FBXL18: variants seen among roughly 807,000 people sequenced by gnomAD.
FBXL18 encodes F-box and leucine rich repeat protein 18, also known as F-box/LRR-repeat protein 18.
FBXL18 carries 36 observed loss-of-function variants against 46.0 expected under a neutral mutation model. That is an observed-to-expected ratio of 0.78 (90% confidence interval 0.60 to 1.03). The LOEUF is 1.03. Ranked by LOEUF, FBXL18 falls within the 50% of genes least tolerant of loss-of-function variation. The pLI is 0.00. For missense variants in FBXL18, 977 were observed against 1,004.1 expected, an observed-to-expected ratio of 0.97 and a Z score of 0.36; for synonymous variants, 557 against 465.3, an observed-to-expected ratio of 1.20 and a Z score of -2.54.
chr7:5,508,120 G>A (rs1784438313), intron 1 of FBXL18, among the ~76,000 whole-genome samples: 1 of 151,984 alleles, frequency 6.6e-6, no homozygotes, highest in African/African-American at 2.4e-5. Context: ...ACAAAAACTA[G>A]CCAGGCGTGG....
chr7:5,458,862 G>A (rs540592291), intron 4 of FBXL18, among the ~76,000 whole-genome samples: 1 of 152,140 alleles, frequency 6.6e-6, no homozygotes, highest in South Asian at 2.1e-4. Context: ...GAAAGCAAGT[G>A]TGGGCTGGAT....
At position 5,496,053 on chromosome 7, in the gene FBXL18, G is replaced by A. The variant is rs984520266; in HGVS notation, c.1781+4435C>T. 8.2e-6 allele frequency: 3 copies of A among 364,190 alleles called. No individual in the cohort carries two copies. Among genetic ancestry groups the A allele is most frequent in the Non-Finnish European group, 1.7e-5 (3 of 176,924 alleles). 22.6% of individuals were successfully genotyped at this position (364,190 alleles called of 1,614,324 possible). ...GCTCCTGAGGAAGGCCCTTGGCCAC[G>A]GGGATTCCGTCCCAGACTCCGGAGG... On this transcript the variant is annotated intron_variant, in intron 3 of 4. Transcript: ENST00000382368. The surrounding 1 kb of genome is among the most constrained non-coding windows in gnomAD (Gnocchi z 4.8).
rs540515236 is a variant in FBXL18, at chr7:5,501,965, C to T, written c.304G>A (p.Ala102Thr). ...GAGCCAGGCAGCCAGTAGCAGCCAG[C>T]CATGCTCAGCTGCTGGATCTCCCGG... ...IGREIQQLSM[A>T]GCYWLPGSTV... Residue 102 changes from alanine to threonine, a missense_variant, in exon 3 of 5, where the codon GCT (alanine) becomes ACT (threonine). Ala to Thr is a moderately conservative substitution (Grantham distance 58). Coordinates refer to ENST00000382368, the MANE Select transcript of FBXL18 (RefSeq NM_024963.6). 1.9e-6 allele frequency: 3 copies of T among 1,607,572 alleles called. No individual in the cohort carries two copies. The highest frequency in any genetic ancestry group is 2.2e-5 in the East Asian group (1 of 44,702).
rs552236514 is a variant in FBXL18, at chr7:5,513,641, C to A, written c.18+16G>T. 9.9e-6 allele frequency: 16 copies of A among 1,612,008 alleles called. No homozygotes were observed. The East Asian group carries it at 3.1e-4, about 31-fold the overall frequency. ...CGCCGAGGCAGAAGCAGAGCGGAGA[C>A]AGTCGCGGACAGTACCTCTCCGGAG... On this transcript the variant is annotated intron_variant, in intron 1 of 4. Transcript: ENST00000382368.
chr7:5,510,275 C>T (rs1372209604), intron 1 of FBXL18, among the ~76,000 whole-genome samples: 1 of 144,772 alleles, frequency 6.9e-6, no homozygotes, highest in African/African-American at 2.6e-5. Flanking sequence ...TGCACTCCAG[C>T]CTGGGCGAAA....
In FBXL18 at chr7:5,491,382, G is replaced by T; in HGVS notation, c.1849C>A (p.Gln617Lys). 1 of 1,607,742 alleles carries T rather than the reference G, an allele frequency of 6.2e-7. No individual in the cohort carries two copies. Reference protein sequence around the residue: ...FQALSQCPSLQRLCLVSRSGT... With the variant: ...FQALSQCPSLKRLCLVSRSGT... The stretch of plus-strand genomic sequence containing the variant: ...CTGCGAGAGACCAGGCACAGGCGCT[G>T]CAGCGAGGGGCACTGGCTCAGCGCC... The change falls in exon 4 of 5, where the codon CAG becomes AAG. Residue 617 changes from glutamine to lysine, a missense_variant. Gln to Lys is a moderately conservative substitution (Grantham distance 53). Coordinates refer to ENST00000382368, the MANE Select transcript of FBXL18 (RefSeq NM_024963.6).
At chr7:5,458,286 C>T (rs932456328) in intron 4 of FBXL18, among the ~76,000 whole-genome samples, 1 of 152,164 alleles carries the variant, frequency 6.6e-6, no homozygotes, top group African/African-American at 2.4e-5. Flanking sequence ...GGTTTCTGGC[C>T]ACCCACAGTG....
intron 3 of FBXL18, among the ~76,000 whole-genome samples, chr7:5,494,868 C>T (rs916647587): frequency 1.2e-4 from 19 of 152,054 alleles, no homozygotes; most frequent in Admixed American, 3.9e-4. Context: ...GTCTGCAGAG[C>T]GTGGAAAAAA....
chr7:5,481,943 A>G lies in FBXL18; in HGVS notation c.2001-12T>C. 1 of 1,593,064 alleles carries G rather than the reference A, an allele frequency of 6.3e-7. No individual in the cohort carries two copies. Among genetic ancestry groups the G allele is most frequent in the East Asian group, 2.2e-5 (1 of 44,624 alleles). Reference sequence around the variant, plus strand: ...GCTCGGCCTGGAAGCTGAACCAGAGACAGGCGGTCAGCGGATTACATGGGT... The same window carrying G: ...GCTCGGCCTGGAAGCTGAACCAGAGGCAGGCGGTCAGCGGATTACATGGGT... On this transcript the variant is annotated splice_polypyrimidine_tract_variant and intron_variant, in intron 4 of 4. Transcript: ENST00000382368.
rs376904807 is a variant in FBXL18 at position 5,508,439 on chromosome 7, CT to C, written c.19-2810del. The stretch of plus-strand genomic sequence containing the variant: ...CCTGGGCAACAGAGCGAGACTTTGT[CT>C]AAAAAAAAAAAAAAAAAAATTAGTG... On this transcript the variant is annotated intron_variant, in intron 1 of 4. Transcript: ENST00000382368. Among the ~76,000 whole-genome samples the C allele has an allele frequency of 2.6e-4, 21 of 81,652 alleles. 1 individual carries two copies. Among genetic ancestry groups the C allele is most frequent in the Non-Finnish European group, 1.4e-4 (5 of 35,174 alleles). 53.6% of individuals were successfully genotyped at this position (81,652 alleles called of 152,430 possible).
intron 1 of FBXL18, among the ~76,000 whole-genome samples, chr7:5,509,141 C>T (rs566150861): frequency 6.7e-5 from 10 of 148,440 alleles, no homozygotes; most frequent in Non-Finnish European, 1.3e-4. Flanking sequence ...TGCAGTGAGC[C>T]GAGATCGCAC....
intron 2 of FBXL18, 45 bp downstream of exon 2, chr7:5,505,367 T>G: frequency 4.3e-5 from 67 of 1,561,022 alleles, no homozygotes; most frequent in Non-Finnish European, 5.3e-5. Flanking sequence ...CCTCAAAGAC[T>G]GAGATCTAGC....
intron 4 of FBXL18, among the ~76,000 whole-genome samples, chr7:5,465,075 TAATAA>T (rs1025142761): frequency 6.6e-6 from 1 of 152,128 alleles, no homozygotes; most frequent in South Asian, 2.1e-4. Flanking sequence ...CAAACAATAC[TAATAA>T]AATAAACAAC....
At chr7:5,502,322 G>A (rs1784288391) in intron 2 of FBXL18, among the ~76,000 whole-genome samples, 1 of 152,200 alleles carries the variant, frequency 6.6e-6, no homozygotes, top group Non-Finnish European at 1.5e-5. Context: ...ATCACCTGAG[G>A]TCAGGAGTTC....
Position 5,477,218 on chromosome 7 carries a change from C to T in FBXL18, c.*4557G>A, listed in dbSNP as rs528289303. Among the ~76,000 whole-genome samples, 6 of 152,232 alleles carry T rather than the reference C, an allele frequency of 3.9e-5. No homozygotes were observed. In the East Asian group the frequency reaches 7.7e-4, roughly 20 times the overall value. ...AGAAACTTCTAACTTGAATCCCACA[C>T]CCCCAAGTGCAAATGAGACCCATGA... On this transcript the variant is annotated 3_prime_UTR_variant, in exon 5 of 5. Transcript: ENST00000382368. The surrounding 1 kb of genome is among the most constrained non-coding windows in gnomAD (Gnocchi z 4.4).
chr7:5,493,573 G>GTTTTCCA (rs1256560521), intron 3 of FBXL18, among the ~76,000 whole-genome samples: 1 of 152,106 alleles, frequency 6.6e-6, no homozygotes, highest in African/African-American at 2.4e-5. Flanking sequence ...GGGATTACAG[G>GTTTTCCA]CGTGGGCCAC....
chr7:5,495,050 A>C, intron 3 of FBXL18, among the ~76,000 whole-genome samples: 1 of 152,166 alleles, frequency 6.6e-6, no homozygotes, highest in Middle Eastern at 3.2e-3. Flanking sequence ...CACGGCACCC[A>C]GGACGGTGGC....
chr7:5,472,788 T>C (rs1317455528), downstream of FBXL18, among the ~76,000 whole-genome samples: 3 of 152,176 alleles, frequency 2.0e-5, no homozygotes, highest in Non-Finnish European at 4.4e-5. Context: ...TGCCATCCCC[T>C]GTGCAAATAC....
At chr7:5,460,880 G>A (rs1193021032) in intron 4 of FBXL18, among the ~76,000 whole-genome samples, 2 of 152,198 alleles carry the variant, frequency 1.3e-5, no homozygotes, top group Admixed American at 1.3e-4. Flanking sequence ...CTGCAAGGGC[G>A]TTCTCACCTC....
Sources: gnomAD v4.1 joint callset for allele counts (sites outside exome capture counted in the v4.1 genomes callset) on GRCh38, gnomAD v4.1.1 for gene constraint, Gnocchi (gnomAD v3.1) non-coding constraint, MANE v1.5 for transcripts, NCBI Gene and HGNC (gene_info 2026-07-23, HGNC 2026-07-21) for gene names.